Variants in AGBL4 observed in about 807,000 individuals in gnomAD.
AGBL4 encodes the protein cytosolic carboxypeptidase 6.
In AGBL4, 58 loss-of-function variants were observed where a neutral mutation model predicts 66.4. The ratio of observed to expected loss-of-function variants is 0.87; its 90% CI spans 0.71 to 1.09. The LOEUF (loss-of-function observed/expected upper bound fraction) is 1.09. Ranked by LOEUF, AGBL4 falls within the 50% of genes least tolerant of loss-of-function variation. The probability of loss-of-function intolerance (pLI) is 0.00; values close to 1 mark genes in which losing one functional copy is unlikely to be tolerated. For missense variants in AGBL4, 579 were observed against 631.0 expected (o/e 0.92, Z 0.88); for synonymous variants, 234 against 222.9 (o/e 1.05, Z -0.44).
chr1:49,500,169 A>G (rs1208874784), intron 3 of AGBL4, among the ~76,000 whole-genome samples: 2 of 151,900 alleles, frequency 1.3e-5, no homozygotes, highest in Non-Finnish European at 2.9e-5. Flanking sequence ...CCATTTGTAT[A>G]TCTTCTTTTG....
At chr1:49,257,848 A>T (rs1313967651) in intron 3 of AGBL4, among the ~76,000 whole-genome samples, 1 of 152,160 alleles carries the variant, frequency 6.6e-6, no homozygotes, top group Non-Finnish European at 1.5e-5. Context: ...GAGAACAGGC[A>T]GACTGCCTCC....
chr1:49,571,013 T>A (rs1571072282), intron 3 of AGBL4, among the ~76,000 whole-genome samples: 1 of 152,122 alleles, frequency 6.6e-6, no homozygotes, highest in Non-Finnish European at 1.5e-5. Context: ...TGAAGTCACA[T>A]AATATGATGC....
At chr1:48,910,721 C>T (rs1424726076) in intron 5 of AGBL4, among the ~76,000 whole-genome samples, 2 of 151,998 alleles carry the variant, frequency 1.3e-5, no homozygotes, top group South Asian at 2.1e-4. Context: ...GAGGCATCCC[C>T]GAGGGAAAGA....
chr1:49,786,946 T>C (rs1431702410), intron 2 of AGBL4, among the ~76,000 whole-genome samples: 2 of 152,184 alleles, frequency 1.3e-5, no homozygotes, highest in Non-Finnish European at 1.5e-5. Flanking sequence ...TCATCAAGTT[T>C]CCAACAAGGT....
chr1:49,854,259 T>A (rs1646378500), intron 1 of AGBL4, among the ~76,000 whole-genome samples: 1 of 151,748 alleles, frequency 6.6e-6, no homozygotes, highest in Non-Finnish European at 1.5e-5. Flanking sequence ...ATAAAGTGCC[T>A]AAGTGAGAAC....
intron 1 of AGBL4, among the ~76,000 whole-genome samples, chr1:49,935,165 C>A (rs569989866): frequency 6.6e-6 from 1 of 152,226 alleles, no homozygotes; most frequent in Non-Finnish European, 1.5e-5. Context: ...TAAAAAACGG[C>A]GCTCCAGGAG....
At chr1:49,764,670 G>A (rs971154737) in intron 2 of AGBL4, among the ~76,000 whole-genome samples, 1 of 152,068 alleles carries the variant, frequency 6.6e-6, no homozygotes, top group East Asian at 1.9e-4. Context: ...CTAACTAGTC[G>A]ACACTACCAA....
intron 4 of AGBL4, among the ~76,000 whole-genome samples, chr1:49,049,825 T>C (rs1284635045): frequency 1.3e-5 from 2 of 151,986 alleles, no homozygotes; most frequent in African/African-American, 4.8e-5. Flanking sequence ...ATGATATCCA[T>C]GGAAAAATAA....
intron 6 of AGBL4, among the ~76,000 whole-genome samples, chr1:48,751,928 T>A (rs1004975801): frequency 6.6e-6 from 1 of 152,226 alleles, no homozygotes; most frequent in Non-Finnish European, 1.5e-5. Context: ...TATTTTAAAC[T>A]GTGGCTACTT....
At position 49,875,930 on chromosome 1, in the gene AGBL4, T is replaced by A. The variant is rs930271948; in HGVS notation, c.35-24412A>T. Among the ~76,000 whole-genome samples the A allele has an allele frequency of 2.7e-5, 4 of 149,042 alleles. No homozygotes were observed. In the Admixed American group the frequency reaches 2.7e-4, roughly 10 times the overall value. On this transcript the variant is annotated intron_variant, in intron 1 of 13. Coordinates refer to ENST00000371839, the MANE Select transcript of AGBL4 (RefSeq NM_032785.4). ...CAGTGATGATGAGCATTTTTTCATG[T>A]GTTTTTTGGCTGCATAAATGTCTTC...
At chr1:48,854,699 C>CCTGGACATATATA (rs1446453138) in intron 6 of AGBL4, among the ~76,000 whole-genome samples, 1 of 152,162 alleles carries the variant, frequency 6.6e-6, no homozygotes, top group Non-Finnish European at 1.5e-5. Flanking sequence ...AACAGACTTT[C>CCTGGACATATATA]CTGGACATAT....
chr1:49,847,594 T>A (rs766707349), intron 2 of AGBL4, among the ~76,000 whole-genome samples: 116 of 151,972 alleles, frequency 7.6e-4, no homozygotes, highest in Non-Finnish European at 1.3e-3. Context: ...ATCCAAAATT[T>A]ATAAGGAACT....
intron 6 of AGBL4, among the ~76,000 whole-genome samples, chr1:48,735,258 G>A (rs1005694839): frequency 6.6e-6 from 1 of 152,150 alleles, no homozygotes; most frequent in Non-Finnish European, 1.5e-5. Flanking sequence ...GTTTTCTGTA[G>A]AGTAACTAGT....
At chr1:49,811,415 T>C (rs1406555733) in intron 2 of AGBL4, among the ~76,000 whole-genome samples, 1 of 152,152 alleles carries the variant, frequency 6.6e-6, no homozygotes, top group Non-Finnish European at 1.5e-5. Flanking sequence ...TGAAAGAGAA[T>C]GGCTTTCTTG....
chr1:49,487,456 TC>T (rs1209730849), intron 3 of AGBL4, among the ~76,000 whole-genome samples: 1 of 151,864 alleles, frequency 6.6e-6, no homozygotes, highest in African/African-American at 2.4e-5. Flanking sequence ...GGGGGCAGTT[TC>T]CCCCATGCTG....
At chr1:49,120,110 C>T (rs1002849018) in intron 4 of AGBL4, among the ~76,000 whole-genome samples, 12 of 151,952 alleles carry the variant, frequency 7.9e-5, no homozygotes, top group East Asian at 5.8e-4. Context: ...TACAGCACAC[C>T]GATGGGTCTT....
At chr1:49,616,098 T>C (rs1193831831) in intron 3 of AGBL4, among the ~76,000 whole-genome samples, 3 of 152,188 alleles carry the variant, frequency 2.0e-5, no homozygotes, top group East Asian at 1.9e-4. Flanking sequence ...GAGGAATATA[T>C]GTAAAGTAGT....
At chr1:49,867,418 C>G (rs886245712) in intron 1 of AGBL4, among the ~76,000 whole-genome samples, 2 of 151,174 alleles carry the variant, frequency 1.3e-5, no homozygotes, top group African/African-American at 4.9e-5. Context: ...TATACATGTG[C>G]CATGTTGGTG....
At chr1:48,704,015 C>A (rs1646843177) in intron 6 of AGBL4, among the ~76,000 whole-genome samples, 1 of 152,206 alleles carries the variant, frequency 6.6e-6, no homozygotes. Flanking sequence ...TACTATATAC[C>A]TAAGCTGTAT....
Sources: allele counts gnomAD v4.1 joint callset (sites outside exome capture counted in the v4.1 genomes callset), GRCh38; gene constraint gnomAD v4.1.1; transcripts MANE v1.5; gene names NCBI Gene and HGNC (gene_info 2026-07-23, HGNC 2026-07-21).